PRKN: variants seen among roughly 807,000 people sequenced by gnomAD.
PRKN encodes the protein parkin RBR E3 ubiquitin protein ligase, also known as E3 ubiquitin-protein ligase parkin.
In PRKN, 56 loss-of-function variants were observed where a neutral mutation model predicts 59.5. The ratio of observed to expected loss-of-function variants is 0.94; its 90% CI spans 0.76 to 1.18. The LOEUF (loss-of-function observed/expected upper bound fraction) is 1.18, where lower values mean the gene tolerates loss of function less well. PRKN is among the 50% of genes most tolerant of loss of function. PRKN has a pLI of 0.00. For synonymous variants in PRKN, 250 were observed against 222.1 expected (o/e 1.13, Z -1.12); for missense variants, 657 against 596.4 (o/e 1.10, Z -1.06).
chr6:161,396,868 T>C lies in PRKN; in HGVS notation c.1084-9991A>G, dbSNP rs1054578147. Among the ~76,000 whole-genome samples, 1 of 152,188 alleles carries C rather than the reference T, an allele frequency of 6.6e-6. No individual in the cohort carries two copies. The highest frequency in any genetic ancestry group is 2.4e-5 in the African/African-American group (1 of 41,428). ...GCTTTGGAAAGAGGCCTGAACATGT[T>C]TGGGGACACCCTGCCAGCACATCTT... On this transcript the variant is annotated intron_variant, in intron 9 of 11. Coordinates refer to ENST00000366898, the MANE Select transcript of PRKN (RefSeq NM_004562.3). The surrounding 1 kb of genome is among the most constrained non-coding windows in gnomAD (Gnocchi z 5.4).
chr6:162,270,191 G>A (rs866986690), intron 2 of PRKN: 2 of 152,172 alleles, frequency 1.3e-5, no homozygotes. Flanking sequence ...GCCATAAAAA[G>A]GAATGAATTA....
chr6:162,140,838 A>C (rs998098640), intron 4 of PRKN, among the ~76,000 whole-genome samples: 48 of 152,294 alleles, frequency 3.2e-4, no homozygotes, highest in African/African-American at 1.1e-3. Flanking sequence ...CTGTAAGATT[A>C]TTTATGATGG....
chr6:162,715,625 G>A (rs968130903), intron 1 of PRKN, among the ~76,000 whole-genome samples: 2 of 152,158 alleles, frequency 1.3e-5, no homozygotes, highest in African/African-American at 4.8e-5. Flanking sequence ...ACAAGACACA[G>A]CCACTTCCTA....
At chr6:162,183,794 C>A (rs575628593) in intron 4 of PRKN, among the ~76,000 whole-genome samples, 1 of 152,258 alleles carries the variant, frequency 6.6e-6, no homozygotes, top group East Asian at 1.9e-4. Context: ...CCCCTCGATC[C>A]CTACCATACA....
At chr6:161,649,574 T>C (rs1429960056) in intron 7 of PRKN, among the ~76,000 whole-genome samples, 2 of 152,346 alleles carry the variant, frequency 1.3e-5, no homozygotes, top group South Asian at 2.1e-4. Context: ...ACGTAGTTCA[T>C]GGACCTATTT....
intron 9 of PRKN, among the ~76,000 whole-genome samples, chr6:161,513,842 G>A (rs193090655): frequency 6.6e-6 from 1 of 152,220 alleles, no homozygotes; most frequent in Non-Finnish European, 1.5e-5. Context: ...CTATCTTGGG[G>A]AAATTATTTA....
At chr6:161,441,143 A>C (rs2115087708) in intron 9 of PRKN, among the ~76,000 whole-genome samples, 1 of 152,336 alleles carries the variant, frequency 6.6e-6, no homozygotes, top group South Asian at 2.1e-4. Context: ...CAGCACAGCC[A>C]AAGCTGTGGC....
At chr6:162,255,103 A>G (rs914860522) in intron 3 of PRKN, among the ~76,000 whole-genome samples, 10 of 150,776 alleles carry the variant, frequency 6.6e-5, no homozygotes, top group Non-Finnish European at 1.3e-4. Context: ...AAAATAAAAT[A>G]AAATAAAATA....
At chr6:161,996,265 G>T (rs1781837569) in intron 5 of PRKN, among the ~76,000 whole-genome samples, 1 of 152,074 alleles carries the variant, frequency 6.6e-6, no homozygotes, top group East Asian at 1.9e-4. Flanking sequence ...TGAACTAGAA[G>T]TCATTATGTT....
At chr6:162,092,699 G>C (rs1025513634) in intron 4 of PRKN, among the ~76,000 whole-genome samples, 2 of 152,142 alleles carry the variant, frequency 1.3e-5, no homozygotes, top group Admixed American at 6.6e-5. Context: ...TTCTATTTCT[G>C]ATATTTCAAA....
In PRKN at chr6:161,992,312, C is replaced by A. The variant is rs183699384; in HGVS notation, c.619-18895G>T. The stretch of plus-strand genomic sequence containing the variant: ...CTGAGATCGAGCCACAGCACTCCAG[C>A]CTGGGCAAAAGAGTGAGATTCTGTC... On this transcript the variant is annotated intron_variant, in intron 5 of 11. Transcript: ENST00000366898. Among the ~76,000 whole-genome samples the A allele has an allele frequency of 3.0e-3, 464 of 152,144 alleles. 5 individuals are homozygous for A. The highest frequency in any genetic ancestry group is 4.6e-3 in the Non-Finnish European group (311 of 68,004).
At chr6:161,952,780 G>GT (rs1780036514) in intron 6 of PRKN, among the ~76,000 whole-genome samples, 1 of 152,120 alleles carries the variant, frequency 6.6e-6, no homozygotes, top group South Asian at 2.1e-4. Flanking sequence ...AATTAGTGAG[G>GT]TATTAGATGA....
chr6:162,260,917 G>C (rs1779861201), intron 3 of PRKN, among the ~76,000 whole-genome samples: 1 of 152,108 alleles, frequency 6.6e-6, no homozygotes, highest in African/African-American at 2.4e-5. Context: ...AACAAACATA[G>C]TAAATATAGG....
intron 5 of PRKN, among the ~76,000 whole-genome samples, chr6:162,025,960 C>G (rs1469190719): frequency 6.6e-6 from 1 of 152,076 alleles, no homozygotes; most frequent in Non-Finnish European, 1.5e-5. Flanking sequence ...GAGGGCCAAA[C>G]AAGCAGTTGC....
chr6:161,982,158 A>G (rs1781283792), intron 5 of PRKN, among the ~76,000 whole-genome samples: 1 of 152,186 alleles, frequency 6.6e-6, no homozygotes, highest in East Asian at 1.9e-4. Flanking sequence ...GATGTTTATA[A>G]CTTTAAGAGC....
intron 6 of PRKN, among the ~76,000 whole-genome samples, chr6:161,812,419 C>G (rs1045786469): frequency 6.6e-6 from 1 of 151,976 alleles, no homozygotes; most frequent in African/African-American, 2.4e-5. Context: ...TTGAAAGTCA[C>G]CATAAAGATG....
intron 6 of PRKN, among the ~76,000 whole-genome samples, chr6:161,965,024 T>C (rs956190339): frequency 2.6e-5 from 4 of 151,990 alleles, no homozygotes; most frequent in African/African-American, 4.8e-5. Flanking sequence ...GTAACTAAGA[T>C]CTCCATTCCC....
At chr6:161,827,636 T>C (rs992475721) in intron 6 of PRKN, among the ~76,000 whole-genome samples, 1 of 151,692 alleles carries the variant, frequency 6.6e-6, no homozygotes, top group African/African-American at 2.4e-5. Context: ...GCCTCCTGAG[T>C]AGCTGGGACT....
intron 2 of PRKN, among the ~76,000 whole-genome samples, chr6:162,263,732 T>A (rs1335787467): frequency 6.6e-6 from 1 of 151,614 alleles, no homozygotes; most frequent in East Asian, 1.9e-4. Flanking sequence ...GGTGGGTGGA[T>A]AGCCTGAGGT....
Sources: allele counts gnomAD v4.1 joint callset (sites outside exome capture counted in the v4.1 genomes callset), GRCh38; gene constraint gnomAD v4.1.1; non-coding constraint Gnocchi (gnomAD v3.1); transcripts MANE v1.5; gene names NCBI Gene and HGNC (gene_info 2026-07-23, HGNC 2026-07-21).